The following DST variants were observed in gnomAD, a reference collection of about 807,000 sequenced individuals.
The protein encoded by DST is bullous pemphigoid antigen.
In DST, 253 loss-of-function variants were observed where a neutral mutation model predicts 875.2. That is an observed-to-expected ratio of 0.29 (90% confidence interval 0.26 to 0.32). The LOEUF (loss-of-function observed/expected upper bound fraction) is 0.32, where lower values mean the gene tolerates loss of function less well. Ranked by LOEUF, DST falls within the 10% of genes least tolerant of loss-of-function variation. The pLI is 1.00. For synonymous variants in DST, 3,124 were observed against 3,197.1 expected (o/e 0.98, Z 0.77); for missense variants, 8,287 against 9,111.6 (o/e 0.91, Z 3.68).
chr6:56,730,496 T>C (rs897018312), intron 5 of DST, among the ~76,000 whole-genome samples: 4 of 152,128 alleles, frequency 2.6e-5, no homozygotes, highest in Admixed American at 1.3e-4. Context: ...AGTAGTTATA[T>C]AAAACCCTCT....
chr6:56,462,320 T>C (rs1421751512), intron 102 of DST, among the ~76,000 whole-genome samples: 2 of 152,186 alleles, frequency 1.3e-5, no homozygotes, highest in African/African-American at 2.4e-5. Context: ...CATGAGTTCA[T>C]CTTGGCAAAT....
At chr6:56,845,259 T>C (rs564401908) in intron 4 of DST, among the ~76,000 whole-genome samples, 2 of 152,360 alleles carry the variant, frequency 1.3e-5, no homozygotes, top group Admixed American at 1.3e-4. Flanking sequence ...ACTGACCTTT[T>C]GCCCTCCATG....
intron 9 of DST, among the ~76,000 whole-genome samples, chr6:56,699,001 G>C (rs1563745913): frequency 6.6e-6 from 1 of 152,146 alleles, no homozygotes; most frequent in Non-Finnish European, 1.5e-5. Flanking sequence ...TTCTTAAGCA[G>C]ACCAGCAGTT....
intron 2 of DST, among the ~76,000 whole-genome samples, chr6:56,903,835 T>C (rs555921733): frequency 7.4e-4 from 113 of 152,344 alleles, no homozygotes; most frequent in South Asian, 3.1e-3. Context: ...TTTCTCCAGA[T>C]CTGAGCACTG....
chr6:56,732,357 C>T (rs576765808), intron 5 of DST, among the ~76,000 whole-genome samples: 1 of 151,978 alleles, frequency 6.6e-6, no homozygotes, highest in Non-Finnish European at 1.5e-5. Flanking sequence ...AATTTTGGTA[C>T]ATCATGGGTT....
chr6:56,852,459 C>T (rs558664843), intron 3 of DST, among the ~76,000 whole-genome samples: 4 of 152,218 alleles, frequency 2.6e-5, no homozygotes, highest in Non-Finnish European at 4.4e-5. Flanking sequence ...TTTGCCAAAG[C>T]ACTTTGCCTG....
At chr6:56,699,524 T>C (rs1295468734) in intron 9 of DST, 129 bp downstream of exon 9, 3 of 562,056 alleles carry the variant, frequency 5.3e-6, no homozygotes, top group Admixed American at 3.9e-5. Flanking sequence ...ACAATTCAAA[T>C]ATATTACTTA....
At chr6:56,483,577 C>G (rs115448566) in intron 88 of DST, 1 of 101,176 alleles carries the variant, frequency 9.9e-6, no homozygotes, top group Non-Finnish European at 1.8e-5. Flanking sequence ...TTTTGACAAA[C>G]TGATGTGCCA....
Position 56,552,928 on chromosome 6 carries a change from C to G in DST, c.15864G>C (p.Gln5288His). ...CTAGCTGCTCCTTTGCACACTGAAG[C>G]TGCCTTTTAGATTCTTTGGAAACTT... ...FQEVSKESKR[Q>H]LQCAKEQLDI... Residue 5288 changes from glutamine (Q) to histidine (H), a missense_variant, in exon 61 of 104, where the codon CAG (glutamine) becomes CAC (histidine). This residue lies in a region of DST where 1,513 missense variants were observed against 1,677.8 expected (regional missense o/e 0.90). Coordinates refer to ENST00000680361, the MANE Select transcript of DST (RefSeq NM_001374736.1). 6.2e-7 allele frequency: 1 copy of G among 1,614,012 alleles called. No individual in the cohort carries two copies. The highest frequency in any genetic ancestry group is 1.1e-5 in the South Asian group (1 of 91,088).
At chr6:56,553,718 G>A in intron 60 of DST, 63 bp from the exon 61 acceptor site, 1 of 1,455,732 alleles carries the variant, frequency 6.9e-7, no homozygotes, top group Non-Finnish European at 9.3e-7. Flanking sequence ...TCTATGAAAA[G>A]CCAAAATAAA....
chr6:56,466,115 TGCCA>T lies in DST; in HGVS notation c.22646_22649del (p.Met7549AsnfsTer6). On this transcript the variant is annotated frameshift_variant, in exon 99 of 104. Transcript: ENST00000680361. LOFTEE classifies it high-confidence loss of function. ...CATTTTTCACTAAGAACTCATCAAG[TGCCA>T]TCCATCCACCTCCAACACGAACCAT... 1 of 1,613,476 alleles carries T rather than the reference TGCCA, an allele frequency of 6.2e-7. No individual in the cohort carries two copies. Among genetic ancestry groups the T allele is most frequent in the Non-Finnish European group, 8.5e-7 (1 of 1,179,702 alleles).
chr6:56,802,467 A>C (rs746501467), intron 4 of DST, among the ~76,000 whole-genome samples: 1 of 152,140 alleles, frequency 6.6e-6, no homozygotes, highest in Non-Finnish European at 1.5e-5. Context: ...AGTTTTATAC[A>C]TGTATATATA....
chr6:56,692,385 T>TA, intron 9 of DST: 5 of 1,257,552 alleles, frequency 4.0e-6, no homozygotes, highest in Non-Finnish European at 5.1e-6. Flanking sequence ...ACATTTCACT[T>TA]ACCTCATTTC....
intron 69 of DST, among the ~76,000 whole-genome samples, chr6:56,524,478 C>T (rs1474873784): frequency 6.6e-6 from 1 of 152,086 alleles, no homozygotes; most frequent in Non-Finnish European, 1.5e-5. Flanking sequence ...GGAGGCACAG[C>T]AGTGAGGGAG....
chr6:56,770,664 T>C (rs997672164), intron 4 of DST, among the ~76,000 whole-genome samples: 2 of 152,154 alleles, frequency 1.3e-5, no homozygotes, highest in African/African-American at 4.8e-5. Context: ...TTGCTACACC[T>C]GTAAAATGGG....
intron 69 of DST, among the ~76,000 whole-genome samples, chr6:56,523,020 T>C (rs763506822): frequency 1.7e-4 from 26 of 152,236 alleles, no homozygotes; most frequent in South Asian, 1.0e-3. Context: ...AGTTTATAAC[T>C]CAGATAATGG....
intron 61 of DST, among the ~76,000 whole-genome samples, chr6:56,551,167 G>A (rs34804434): frequency 1.3e-5 from 2 of 152,182 alleles, no homozygotes; most frequent in South Asian, 4.2e-4. Context: ...CCTAAATAAT[G>A]TTATTAAAGA....
chr6:56,601,634 T>C lies in DST; in HGVS notation c.11350A>G (p.Thr3784Ala), dbSNP rs749351027. ...DLGHTKMQLE[T>A]TAFDVQFFIS... The stretch of plus-strand genomic sequence containing the variant: ...AAGAACTGCACATCAAAGGCAGTAG[T>C]CTCCAGCTGCATTTTGGTATGTCCA... Residue 3784 changes from threonine to alanine, a missense_variant, in exon 44 of 104, where the codon ACT becomes GCT. Thr to Ala is a moderately conservative substitution (Grantham distance 58, BLOSUM62 0). Coordinates refer to ENST00000680361, the MANE Select transcript of DST (RefSeq NM_001374736.1). The C allele has an allele frequency of 3.2e-5, 51 of 1,593,420 alleles. No homozygotes were observed. The highest frequency in any genetic ancestry group is 4.4e-5 in the Non-Finnish European group (51 of 1,169,158).
chr6:56,728,018 A>C (rs569050397), intron 5 of DST, among the ~76,000 whole-genome samples: 1 of 152,222 alleles, frequency 6.6e-6, no homozygotes, highest in Non-Finnish European at 1.5e-5. Flanking sequence ...GGTCAAGCAC[A>C]TAATAAGCAC....
Sources: gnomAD v4.1 joint callset for allele counts (sites outside exome capture counted in the v4.1 genomes callset) on GRCh38, gnomAD v4.1.1 for gene constraint, gnomAD v4.1.1 regional missense constraint, MANE v1.5 for transcripts, NCBI Gene and HGNC (gene_info 2026-07-23, HGNC 2026-07-21) for gene names.